CLASP1: variants seen among roughly 807,000 people sequenced by gnomAD.
CLASP1 encodes the protein cytoplasmic linker associated protein 1, also known as CLIP-associating protein 1.
A neutral mutation model predicts 192.3 loss-of-function variants in CLASP1; 38 were observed. That is an observed-to-expected ratio of 0.20 (90% CI 0.15 to 0.26). The LOEUF is 0.26. Among genes scored for constraint, CLASP1 ranks in the 10% least tolerant of loss-of-function variants. CLASP1 has a pLI of 1.00. For missense variants in CLASP1, 1,433 were observed against 1,932.5 expected (o/e 0.74, Z 4.85); for synonymous variants, 691 against 712.8 (o/e 0.97, Z 0.49).
At chr2:121,511,654 C>T (rs1246032785) in intron 7 of CLASP1, among the ~76,000 whole-genome samples, 1 of 150,578 alleles carries the variant, frequency 6.6e-6, no homozygotes, top group Non-Finnish European at 1.5e-5. Flanking sequence ...AAGTATAATT[C>T]TTATAGTGAC....
intron 2 of CLASP1, among the ~76,000 whole-genome samples, chr2:121,536,733 T>G (rs1043911819): frequency 4.6e-5 from 7 of 152,084 alleles, no homozygotes; most frequent in Non-Finnish European, 8.8e-5. Context: ...ACACCTAGAG[T>G]AGTCAAATTC....
intron 1 of CLASP1, among the ~76,000 whole-genome samples, chr2:121,648,544 T>C (rs1017522015): frequency 4.6e-5 from 7 of 152,202 alleles, no homozygotes; most frequent in East Asian, 1.9e-4. Flanking sequence ...ATTTTAAAAA[T>C]ATTATGTAAT....
At chr2:121,455,799 T>C (rs553810469) in intron 14 of CLASP1, among the ~76,000 whole-genome samples, 15 of 152,070 alleles carry the variant, frequency 9.9e-5, no homozygotes, top group Non-Finnish European at 2.1e-4. Flanking sequence ...GAGTTAGAGA[T>C]TGCAGGGAGC....
chr2:121,372,521 A>G (rs1435409908), intron 34 of CLASP1, among the ~76,000 whole-genome samples: 1 of 152,222 alleles, frequency 6.6e-6, no homozygotes, highest in Non-Finnish European at 1.5e-5. Context: ...ATATTCCATA[A>G]TTCCTGCAAT....
intron 19 of CLASP1, among the ~76,000 whole-genome samples, chr2:121,444,656 A>G (rs1302970176): frequency 1.3e-5 from 2 of 152,214 alleles, no homozygotes; most frequent in African/African-American, 2.4e-5. Flanking sequence ...TGTGACATCA[A>G]TGCTCCTCCC....
intron 1 of CLASP1, among the ~76,000 whole-genome samples, chr2:121,608,887 A>T (rs1274353984): frequency 6.6e-6 from 1 of 152,172 alleles, no homozygotes; most frequent in East Asian, 1.9e-4. Flanking sequence ...TAATAATAAT[A>T]ATACAATTTA....
At chr2:121,602,601 A>C (rs933024948) in intron 2 of CLASP1, among the ~76,000 whole-genome samples, 1 of 152,234 alleles carries the variant, frequency 6.6e-6, no homozygotes, top group Non-Finnish European at 1.5e-5. Context: ...TACTGTCATA[A>C]AAACAGACAC....
intron 1 of CLASP1, among the ~76,000 whole-genome samples, chr2:121,617,399 C>T (rs1187209453): frequency 6.6e-6 from 1 of 152,180 alleles, no homozygotes; most frequent in Non-Finnish European, 1.5e-5. Flanking sequence ...CTTGAGCTCA[C>T]ATGCCTTTCA....
In CLASP1 at chr2:121,479,055, CCCA is replaced by C. The variant is rs2092363109; in HGVS notation, c.713-9098_713-9096del. Among the ~76,000 whole-genome samples, 5 of 94,066 alleles carry C rather than the reference CCCA, an allele frequency of 5.3e-5. 1 individual carries two copies. The highest frequency in any genetic ancestry group is 2.0e-4 in the African/African-American group (5 of 24,576). 61.7% of individuals were successfully genotyped at this position (94,066 alleles called of 152,430 possible). ...ACCCCACACACACACACACCCCCCCCCCACACACACACACACACACCATCAACA... is the reference window on the plus strand; with the variant it reads ...ACCCCACACACACACACACCCCCCCCCACACACACACACACACCATCAACA... On this transcript the variant is annotated intron_variant, in intron 8 of 39. Transcript: ENST00000263710.
rs1169745460 is a variant in CLASP1, at chr2:121,589,129, T to G, written c.195+16572A>C. Among the ~76,000 whole-genome samples, 6 of 152,068 alleles carry G rather than the reference T, an allele frequency of 3.9e-5. No homozygotes were observed. The East Asian group carries it at 1.2e-3, about 29-fold the overall frequency. The stretch of plus-strand genomic sequence containing the variant: ...CAGAAACACAGTTCTCGCCACCAAG[T>G]CCCCAGTGCTGTCTCCAGAGTGATC... On this transcript the variant is annotated intron_variant, in intron 2 of 39. Transcript: ENST00000263710.
At chr2:121,381,606 G>A (rs2071678372) in intron 33 of CLASP1, among the ~76,000 whole-genome samples, 1 of 152,164 alleles carries the variant, frequency 6.6e-6, no homozygotes. Flanking sequence ...CATCAACTGT[G>A]GGGGTGCGTG....
intron 39 of CLASP1, among the ~76,000 whole-genome samples, chr2:121,345,375 C>G (rs937027651): frequency 6.6e-6 from 1 of 152,110 alleles, no homozygotes; most frequent in African/African-American, 2.4e-5. Context: ...TTTTCTGTCC[C>G]TTATCCAAAG....
intron 37 of CLASP1, among the ~76,000 whole-genome samples, chr2:121,353,813 T>C (rs577745837): frequency 1.3e-5 from 2 of 152,100 alleles, no homozygotes; most frequent in Admixed American, 6.5e-5. Context: ...CACACACAGA[T>C]AGGGTCTTGC....
intron 33 of CLASP1, among the ~76,000 whole-genome samples, chr2:121,381,653 T>G (rs1030104830): frequency 2.6e-5 from 4 of 152,190 alleles, no homozygotes; most frequent in Non-Finnish European, 5.9e-5. Context: ...AGGCAGGGCA[T>G]CCTTAGTGAG....
intron 8 of CLASP1, among the ~76,000 whole-genome samples, chr2:121,476,457 T>A (rs1448839348): frequency 3.9e-5 from 6 of 152,212 alleles, no homozygotes; most frequent in Non-Finnish European, 5.9e-5. Flanking sequence ...AATTCAAGTC[T>A]GGTGTCTGGA....
Position 121,643,574 on chromosome 2 carries a change from A to C in CLASP1, c.-286+5798T>G, listed in dbSNP as rs2072564245. 1.3e-5 allele frequency among the ~76,000 whole-genome samples: 2 copies of C among 152,240 alleles called. 1 individual carries two copies. The highest frequency in any genetic ancestry group is 4.1e-4 in the South Asian group (2 of 4,836). ...AAGATTATGACTGTAAAAGTGCATT[A>C]AAAATCATTTTTATCTTTTAAATCT... On this transcript the variant is annotated intron_variant, in intron 1 of 39. Coordinates refer to ENST00000263710, the Ensembl canonical transcript of CLASP1.
chr2:121,433,726 A>C (rs1427878539), intron 19 of CLASP1, among the ~76,000 whole-genome samples: 1 of 152,252 alleles, frequency 6.6e-6, no homozygotes, highest in Non-Finnish European at 1.5e-5. Flanking sequence ...ACTGCACTCC[A>C]GCCTAGGCGA....
At chr2:121,371,132 T>G (rs2068589514) in intron 34 of CLASP1, among the ~76,000 whole-genome samples, 1 of 152,170 alleles carries the variant, frequency 6.6e-6, no homozygotes, top group Admixed American at 6.5e-5. Flanking sequence ...GTGTTAACAC[T>G]GGTTATCTCT....
rs573310958 is a variant in CLASP1, at chr2:121,527,574, T to C, written c.470+225A>G. ...ACACAAATGCACATGTGGTTTTACCTGAGAAATTTGCGCAAGTTCTAGGGA... is the reference window on the plus strand; with the variant it reads ...ACACAAATGCACATGTGGTTTTACCCGAGAAATTTGCGCAAGTTCTAGGGA... On this transcript the variant is annotated intron_variant, in intron 5 of 39. Transcript: ENST00000263710. Among the ~76,000 whole-genome samples the C allele has an allele frequency of 2.0e-3, 298 of 152,256 alleles. 2 individuals are homozygous for C. The highest frequency in any genetic ancestry group is 6.0e-3 in the African/African-American group (248 of 41,548).
Sources: gnomAD v4.1 joint callset for allele counts (sites outside exome capture counted in the v4.1 genomes callset) on GRCh38, gnomAD v4.1.1 for gene constraint, MANE v1.5 for transcripts, NCBI Gene and HGNC (gene_info 2026-07-23, HGNC 2026-07-21) for gene names.